Variants in TTC6 observed in about 807,000 individuals in gnomAD.
TTC6 encodes tetratricopeptide repeat protein 6.
TTC6 carries 172 observed loss-of-function variants against 210.4 expected under a neutral mutation model. The ratio of observed to expected loss-of-function variants is 0.82; its 90% CI spans 0.72 to 0.93. The LOEUF (loss-of-function observed/expected upper bound fraction) is 0.93, where lower values mean the gene tolerates loss of function less well. Among genes scored for constraint, TTC6 ranks in the 40% least tolerant of loss-of-function variants. The probability of loss-of-function intolerance (pLI) is 0.00; values close to 1 mark genes in which losing one functional copy is unlikely to be tolerated. For missense variants in TTC6, 2,414 were observed against 2,318.1 expected (o/e 1.04, Z -0.85); for synonymous variants, 804 against 819.6 (o/e 0.98, Z 0.32).
At chr14:37,719,866 A>AT (rs140421865) in intron 6 of TTC6, among the ~76,000 whole-genome samples, 15 of 150,958 alleles carry the variant, frequency 9.9e-5, no homozygotes, top group African/African-American at 1.5e-4. Context: ...ATCAGAATTA[A>AT]TTTTTTTTTT....
chr14:37,649,463 G>C (rs2095707366), intron 1 of TTC6, among the ~76,000 whole-genome samples: 2 of 152,138 alleles, frequency 1.3e-5, no homozygotes, highest in Admixed American at 1.3e-4. Context: ...AACTTCCTCT[G>C]GGCCAGGAAT....
At chr14:37,751,101 C>T (rs1334362149) in exon 13 of TTC6, 1 of 1,526,664 alleles carries the variant, frequency 6.6e-7, no homozygotes, top group Non-Finnish European at 8.8e-7. Flanking sequence ...AAAGACATAA[C>T]TTTGGCAATT....
chr14:37,605,474 TG>T (rs2095623473), intron 1 of TTC6, among the ~76,000 whole-genome samples: 1 of 151,544 alleles, frequency 6.6e-6, no homozygotes, highest in African/African-American at 2.4e-5. Context: ...TGTGGGTGAG[TG>T]AGTATGGGGG....
chr14:37,699,039 G>A (rs994962050), intron 4 of TTC6, among the ~76,000 whole-genome samples: 4 of 152,142 alleles, frequency 2.6e-5, no homozygotes, highest in Non-Finnish European at 4.4e-5. Context: ...TGAGTGGTCA[G>A]TGGACAGACC....
In TTC6 at chr14:37,626,083, GC is replaced by G. The variant is rs148732567; in HGVS notation, c.939+3082del. Among the ~76,000 whole-genome samples, 360 of 152,270 alleles carry G rather than the reference GC, an allele frequency of 2.4e-3. 1 individual carries two copies. The highest frequency in any genetic ancestry group is 8.4e-3 in the African/African-American group (349 of 41,544). ...ACAATAAAAAATGTCTCTAGATGTT[GC>G]CAGATGAGCCCTTGAGGCGGGGGCA... On this transcript the variant is annotated intron_variant, in intron 1 of 30. Coordinates refer to ENST00000553443, the Ensembl canonical transcript of TTC6.
Position 37,754,051 on chromosome 14 carries a change from G to A in TTC6, c.3266+816G>A, listed in dbSNP as rs77103751. 2.8e-3 allele frequency among the ~76,000 whole-genome samples: 432 copies of A among 152,088 alleles called. 1 individual carries two copies. Among genetic ancestry groups the A allele is most frequent in the African/African-American group, 9.7e-3 (401 of 41,504 alleles). ...ACGTCTACTGATCTTTTCAGTTGCA[G>A]TTTTTAATTTTAAATCATTTTTTAA... On this transcript the variant is annotated intron_variant, in intron 14 of 30. Coordinates refer to ENST00000553443, the Ensembl canonical transcript of TTC6.
At chr14:37,684,280 C>A (rs113820873) in intron 3 of TTC6, among the ~76,000 whole-genome samples, 12 of 152,196 alleles carry the variant, frequency 7.9e-5, no homozygotes, top group African/African-American at 2.6e-4. Context: ...TTTCTCAAGC[C>A]CTGTTTTCTC....
intron 3 of TTC6, among the ~76,000 whole-genome samples, chr14:37,694,822 G>T (rs2095811545): frequency 6.7e-6 from 1 of 150,204 alleles, no homozygotes; most frequent in African/African-American, 2.5e-5. Flanking sequence ...CGTGTAGATT[G>T]CTTGAGCTCA....
chr14:37,708,105 A>G (rs1035111584), intron 5 of TTC6, among the ~76,000 whole-genome samples: 1 of 152,076 alleles, frequency 6.6e-6, no homozygotes, highest in Non-Finnish European at 1.5e-5. Context: ...TATTATGTAT[A>G]CATACATTTT....
chr14:37,611,952 T>TTGCAAACTACTGC (rs2095635368), intron 2 of TTC6, among the ~76,000 whole-genome samples: 1 of 152,130 alleles, frequency 6.6e-6, no homozygotes, highest in South Asian at 2.1e-4. Context: ...AATGGAACTG[T>TTGCAAACTACTGC]TGCAAACTAC....
chr14:37,782,470 T>C (rs1334441221), intron 14 of TTC6, among the ~76,000 whole-genome samples: 2 of 152,168 alleles, frequency 1.3e-5, no homozygotes, highest in Non-Finnish European at 2.9e-5. Context: ...TTTTTGCACA[T>C]TGATTTTGTA....
exon 20 of TTC6, chr14:37,796,820 T>G (rs552334399): frequency 4.4e-6 from 7 of 1,608,770 alleles, no homozygotes; most frequent in East Asian, 2.2e-5. Flanking sequence ...CAGCAAGCCC[T>G]TATTTATTCA....
intron 6 of TTC6, among the ~76,000 whole-genome samples, chr14:37,715,301 G>T (rs1237258854): frequency 1.3e-5 from 2 of 152,156 alleles, no homozygotes; most frequent in Non-Finnish European, 2.9e-5. Flanking sequence ...TATCACAAAA[G>T]ATGGGGAGAG....
rs2095740263 is a variant in TTC6, at chr14:37,662,922, A to G, written c.940-17229A>G. Among the ~76,000 whole-genome samples, 6 of 152,174 alleles carry G rather than the reference A, an allele frequency of 3.9e-5. No homozygotes were observed. In the South Asian group the frequency reaches 1.0e-3, roughly 26 times the overall value. On this transcript the variant is annotated intron_variant, in intron 1 of 30. Coordinates refer to ENST00000553443, the Ensembl canonical transcript of TTC6. ...AAAATAGTTTTTCCCTAGTTCTGTGAAGAATGTCATTAATAGTTTGATAGT... is the reference window on the plus strand; with the variant it reads ...AAAATAGTTTTTCCCTAGTTCTGTGGAGAATGTCATTAATAGTTTGATAGT...
intron 3 of TTC6, among the ~76,000 whole-genome samples, chr14:37,686,752 A>T (rs2095794655): frequency 6.6e-6 from 1 of 152,152 alleles, no homozygotes; most frequent in African/African-American, 2.4e-5. Flanking sequence ...GAGACTTATT[A>T]ACTACCATGA....
chr14:37,814,612 A>G (rs1426232562), intron 25 of TTC6, among the ~76,000 whole-genome samples: 1 of 152,204 alleles, frequency 6.6e-6, no homozygotes, highest in African/African-American at 2.4e-5. Flanking sequence ...GGAATTTTGT[A>G]AAAGTGCCAA....
At chr14:37,646,454 A>G (rs2095701896) in intron 1 of TTC6, among the ~76,000 whole-genome samples, 1 of 152,164 alleles carries the variant, frequency 6.6e-6, no homozygotes, top group Non-Finnish European at 1.5e-5. Context: ...AGATGATGAG[A>G]CTATAGGATG....
chr14:37,659,709 C>G (rs2095732990), intron 1 of TTC6, among the ~76,000 whole-genome samples: 1 of 152,048 alleles, frequency 6.6e-6, no homozygotes, highest in African/African-American at 2.4e-5. Flanking sequence ...TTAGTAGATA[C>G]AGGGTTTCTC....
intron 14 of TTC6, among the ~76,000 whole-genome samples, chr14:37,780,102 T>G (rs2139248720): frequency 6.6e-6 from 1 of 152,266 alleles, no homozygotes; most frequent in African/African-American, 2.4e-5. Context: ...TTACAAAAGG[T>G]TTATTCTGTA....
Sources: allele counts gnomAD v4.1 joint callset (sites outside exome capture counted in the v4.1 genomes callset), GRCh38; gene constraint gnomAD v4.1.1; transcripts MANE v1.5; gene names NCBI Gene and HGNC (gene_info 2026-07-23, HGNC 2026-07-21).